Variants in CYP7B1 observed in about 807,000 individuals in gnomAD.
The protein encoded by CYP7B1 is cytochrome P450 7B1.
A neutral mutation model predicts 42.7 loss-of-function variants in CYP7B1; 29 were observed. That is an observed-to-expected ratio of 0.68 (90% CI 0.51 to 0.93). The LOEUF (loss-of-function observed/expected upper bound fraction) is 0.93. CYP7B1 is among the 40% of genes least tolerant of loss of function. The pLI is 0.00. For synonymous variants in CYP7B1, 235 were observed against 218.2 expected (o/e 1.08, Z -0.68); for missense variants, 655 against 600.5 (o/e 1.09, Z -0.95).
At chr8:64,630,743 A>G (rs929459012) in intron 1 of CYP7B1, among the ~76,000 whole-genome samples, 2 of 152,264 alleles carry the variant, frequency 1.3e-5, no homozygotes, top group Non-Finnish European at 2.9e-5. Context: ...TCAGAAAATG[A>G]ACTATCTTTG....
Position 64,601,075 on chromosome 8 carries a change from C to A in CYP7B1, c.1233+3607G>T, listed in dbSNP as rs538218800. The stretch of plus-strand genomic sequence containing the variant: ...TACAGATAAAAAATTATTGAGAGTA[C>A]TTCTTTATCTGCCATGTCATTCTAA... On this transcript the variant is annotated intron_variant, in intron 5 of 5. Coordinates refer to ENST00000310193, the MANE Select transcript of CYP7B1 (RefSeq NM_004820.5). Among the ~76,000 whole-genome samples the A allele has an allele frequency of 3.9e-5, 6 of 152,280 alleles. No individual in the cohort carries two copies. The South Asian group carries it at 1.2e-3, about 32-fold the overall frequency.
At chr8:64,643,118 T>TAC (rs1218594830) in intron 1 of CYP7B1, among the ~76,000 whole-genome samples, 1,425 of 137,182 alleles carry the variant, frequency 0.01, 37 homozygotes, top group South Asian at 0.019. Context: ...TACATATATA[T>TAC]ACATATATAC....
At chr8:64,682,744 G>A (rs754439697) in intron 1 of CYP7B1, among the ~76,000 whole-genome samples, 3 of 152,114 alleles carry the variant, frequency 2.0e-5, no homozygotes, top group Admixed American at 6.5e-5. Flanking sequence ...TTGATACCAC[G>A]GAATACTGGA....
intron 1 of CYP7B1, among the ~76,000 whole-genome samples, chr8:64,728,416 A>G (rs1177537976): frequency 2.0e-5 from 3 of 152,210 alleles, no homozygotes; most frequent in African/African-American, 4.8e-5. Flanking sequence ...GGTCACATGC[A>G]GTGAGCAAAA....
chr8:64,615,508 T>C (rs1316471429), intron 3 of CYP7B1, among the ~76,000 whole-genome samples, 183 bp downstream of exon 3: 1 of 150,756 alleles, frequency 6.6e-6, no homozygotes, highest in African/African-American at 2.4e-5. Context: ...TATCTTGTTT[T>C]ACCACCTCAG....
chr8:64,697,385 G>A (rs2129632357), intron 1 of CYP7B1, among the ~76,000 whole-genome samples: 1 of 139,588 alleles, frequency 7.2e-6, no homozygotes, highest in African/African-American at 3.1e-5. Context: ...ACATGAAAAT[G>A]TGTAAGCCCC....
At chr8:64,743,507 C>G (rs1807599282) in intron 1 of CYP7B1, among the ~76,000 whole-genome samples, 1 of 152,142 alleles carries the variant, frequency 6.6e-6, no homozygotes, top group Admixed American at 6.5e-5. Flanking sequence ...ATCAAGGTGT[C>G]CACAGGGTTA....
At chr8:64,688,504 G>A (rs1211962784) in intron 1 of CYP7B1, among the ~76,000 whole-genome samples, 1 of 151,320 alleles carries the variant, frequency 6.6e-6, no homozygotes, top group Non-Finnish European at 1.5e-5. Context: ...AATGGAAAAA[G>A]AAATGCCTAC....
chr8:64,686,239 G>GC (rs1806640845), intron 1 of CYP7B1, among the ~76,000 whole-genome samples: 1 of 43,830 alleles, frequency 2.3e-5, no homozygotes, highest in African/African-American at 8.3e-5. Context: ...GGGGGGGTCG[G>GC]CCCCCCGCCC....
chr8:64,591,060 AT>A lies in CYP7B1; in HGVS notation c.*5581del, dbSNP rs1319341315. On this transcript the variant is annotated 3_prime_UTR_variant, in exon 6 of 6. Coordinates refer to ENST00000310193, the MANE Select transcript of CYP7B1 (RefSeq NM_004820.5). ...ATATACAGCACTCCTCCTTCTAAAA[AT>A]ATTTTAAAACATAAGTATTGACAAA... is the stretch of plus-strand genomic sequence containing the variant. 6.6e-6 allele frequency among the ~76,000 whole-genome samples: 1 copy of A among 152,140 alleles called. No individual in the cohort carries two copies. The highest frequency in any genetic ancestry group is 1.5e-5 in the Non-Finnish European group (1 of 67,988).
rs1805040610 is a variant in CYP7B1, at chr8:64,591,904, G to T, written c.*4738C>A. Among the ~76,000 whole-genome samples the T allele has an allele frequency of 6.6e-6, 1 of 152,086 alleles. No homozygotes were observed. Among genetic ancestry groups the T allele is most frequent in the African/African-American group, 2.4e-5 (1 of 41,404 alleles). ...GGTGAAGCTATAAAAATGAAAAGATGGGGGCGGGCACGGTGGCTCATGTCT... is the reference window on the plus strand; with the variant it reads ...GGTGAAGCTATAAAAATGAAAAGATTGGGGCGGGCACGGTGGCTCATGTCT... On this transcript the variant is annotated 3_prime_UTR_variant, in exon 6 of 6. Transcript: ENST00000310193.
rs1022726386 is a variant in CYP7B1, at chr8:64,592,437, A to G, written c.*4205T>C. Among the ~76,000 whole-genome samples the G allele has an allele frequency of 6.6e-6, 1 of 152,220 alleles. No homozygotes were observed. The highest frequency in any genetic ancestry group is 1.5e-5 in the Non-Finnish European group (1 of 68,036). The stretch of plus-strand genomic sequence containing the variant: ...TTAAAGAGATGAATTTATCACTTAC[A>G]ACTGCATTTATAATAAATTAGTTGC... On this transcript the variant is annotated 3_prime_UTR_variant, in exon 6 of 6. Coordinates refer to ENST00000310193, the MANE Select transcript of CYP7B1 (RefSeq NM_004820.5).
chr8:64,610,182 A>G (rs910329191), intron 4 of CYP7B1, among the ~76,000 whole-genome samples: 3 of 152,222 alleles, frequency 2.0e-5, no homozygotes, highest in African/African-American at 7.2e-5. Context: ...TGTTTCCAGC[A>G]TTCCTTATAT....
intron 1 of CYP7B1, among the ~76,000 whole-genome samples, chr8:64,671,347 C>T (rs1345655904): frequency 6.6e-6 from 1 of 151,942 alleles, no homozygotes; most frequent in East Asian, 1.9e-4. Context: ...CAAGAGAAAT[C>T]CTCATATTTC....
intron 1 of CYP7B1, among the ~76,000 whole-genome samples, chr8:64,684,384 T>C (rs182380337): frequency 3.9e-5 from 6 of 152,360 alleles, no homozygotes; most frequent in African/African-American, 7.2e-5. Flanking sequence ...ATATCGACTA[T>C]TGGTTATTAC....
intron 1 of CYP7B1, among the ~76,000 whole-genome samples, chr8:64,722,363 T>C (rs1807248674): frequency 6.6e-6 from 1 of 152,120 alleles, no homozygotes; most frequent in Non-Finnish European, 1.5e-5. Context: ...GCTATGAATA[T>C]TAGCCATAAA....
intron 1 of CYP7B1, among the ~76,000 whole-genome samples, chr8:64,630,483 T>C (rs1805672879): frequency 6.6e-6 from 1 of 152,236 alleles, no homozygotes; most frequent in South Asian, 2.1e-4. Context: ...CACAGCAGGA[T>C]TAGTTTTTCC....
At chr8:64,626,772 A>G (rs1272216761) in intron 1 of CYP7B1, among the ~76,000 whole-genome samples, 2 of 152,238 alleles carry the variant, frequency 1.3e-5, no homozygotes, top group African/African-American at 4.8e-5. Context: ...AAGGATTAAA[A>G]CAGATATTTA....
chr8:64,683,083 G>C (rs1482023750), intron 1 of CYP7B1, among the ~76,000 whole-genome samples: 2 of 152,150 alleles, frequency 1.3e-5, no homozygotes, highest in South Asian at 4.2e-4. Flanking sequence ...TCTCCATCCA[G>C]ATCACCATTA....
Sources: allele counts gnomAD v4.1 joint callset (sites outside exome capture counted in the v4.1 genomes callset), GRCh38; gene constraint gnomAD v4.1.1; transcripts MANE v1.5; gene names NCBI Gene and HGNC (gene_info 2026-07-23, HGNC 2026-07-21).